PLA2G5: variants seen among roughly 807,000 people sequenced by gnomAD.
The protein encoded by PLA2G5 is Ca2+-dependent phospholipase A2.
In PLA2G5, 12 loss-of-function variants were observed where a neutral mutation model predicts 15.9. The observed-to-expected ratio is 0.76, with a 90% confidence interval of 0.48 to 1.23. PLA2G5 has a LOEUF of 1.23. Ranked by LOEUF, PLA2G5 falls within the 50% of genes most tolerant of loss-of-function variation. The probability of loss-of-function intolerance (pLI) is 0.00; values close to 1 mark genes in which losing one functional copy is unlikely to be tolerated. For synonymous variants in PLA2G5, 71 were observed against 71.4 expected (o/e 0.99, Z 0.03); for missense variants, 169 against 177.1 (o/e 0.95, Z 0.26).
chr1:20,078,333 A>G (rs893007799), intron 1 of PLA2G5, among the ~76,000 whole-genome samples: 1 of 151,948 alleles, frequency 6.6e-6, no homozygotes, highest in Non-Finnish European at 1.5e-5. Context: ...AGAAAAAAAG[A>G]AGTAGAATTG....
intron 3 of PLA2G5, 57 bp from the exon 4 acceptor site, chr1:20,089,732 G>T: frequency 1.4e-6 from 2 of 1,410,888 alleles, no homozygotes; most frequent in South Asian, 2.3e-5. Flanking sequence ...CTCCTATTAG[G>T]GATGGGGTCA....
At chr1:20,056,695 G>T (rs757066894) in intron 1 of PLA2G5, among the ~76,000 whole-genome samples, 1 of 152,066 alleles carries the variant, frequency 6.6e-6, no homozygotes, top group Admixed American at 6.6e-5. Context: ...TAATATCTTT[G>T]TCTAGTTTTG....
chr1:20,055,101 AC>A (rs1482263645), intron 1 of PLA2G5, among the ~76,000 whole-genome samples: 3 of 152,198 alleles, frequency 2.0e-5, no homozygotes, highest in Non-Finnish European at 2.9e-5. Flanking sequence ...TAATCTAGGT[AC>A]TATGTGGGAA....
chr1:20,080,832 G>A (rs1393471470), intron 1 of PLA2G5, among the ~76,000 whole-genome samples: 4 of 151,820 alleles, frequency 2.6e-5, no homozygotes, highest in Non-Finnish European at 5.9e-5. Context: ...GGGCTGCTTT[G>A]CCTGAGGGAG....
At chr1:20,061,345 G>A (rs921299501) in intron 2 of PLA2G5, among the ~76,000 whole-genome samples, 1 of 152,070 alleles carries the variant, frequency 6.6e-6, no homozygotes, top group Non-Finnish European at 1.5e-5. Context: ...AGCGCTTTGG[G>A]AGGCTGAGGC....
At chr1:20,050,315 T>C (rs539758655) in intron 1 of PLA2G5, among the ~76,000 whole-genome samples, 1 of 152,244 alleles carries the variant, frequency 6.6e-6, no homozygotes, top group South Asian at 2.1e-4. Context: ...CCAATCAAAA[T>C]AAACTGCATT....
At chr1:20,060,985 G>A (rs1003783496) in intron 2 of PLA2G5, among the ~76,000 whole-genome samples, 2 of 152,144 alleles carry the variant, frequency 1.3e-5, no homozygotes, top group African/African-American at 2.4e-5. Context: ...CCAAAGTGCC[G>A]GGATTACAGG....
chr1:20,050,089 T>C (rs1173614841), intron 1 of PLA2G5, among the ~76,000 whole-genome samples: 1 of 152,244 alleles, frequency 6.6e-6, no homozygotes, highest in East Asian at 1.9e-4. Context: ...AATTCCTATG[T>C]ATTATTATTA....
At chr1:20,029,246 C>CAGT (rs1426147687) in intron 1 of PLA2G5, among the ~76,000 whole-genome samples, 1 of 152,182 alleles carries the variant, frequency 6.6e-6, no homozygotes, top group East Asian at 1.9e-4. Context: ...ACTGCCCCCA[C>CAGT]CAAACTCCAT....
At chr1:20,069,480 C>T (rs1369498788), upstream of PLA2G5, among the ~76,000 whole-genome samples, 1 of 152,080 alleles carries the variant, frequency 6.6e-6, no homozygotes, top group Non-Finnish European at 1.5e-5. Context: ...TGAGACCAGA[C>T]TGGGCAATAT....
chr1:20,034,049 A>T (rs1390350180), intron 1 of PLA2G5, among the ~76,000 whole-genome samples: 9 of 152,100 alleles, frequency 5.9e-5, no homozygotes, highest in African/African-American at 2.2e-4. Context: ...AAGGTAAGTG[A>T]CCTGGGTTTG....
At chr1:20,068,894 G>A, upstream of PLA2G5, 2 of 1,277,604 alleles carry the variant, frequency 1.6e-6, no homozygotes, top group South Asian at 2.5e-5. Context: ...GAAGCCTGAG[G>A]GAACACACTC....
intron 3 of PLA2G5, among the ~76,000 whole-genome samples, chr1:20,087,867 A>G (rs1412072672): frequency 2.0e-5 from 3 of 152,212 alleles, no homozygotes; most frequent in Non-Finnish European, 4.4e-5. Flanking sequence ...TGACTGAAAG[A>G]GCCCCCAGTG....
rs576475579 is a variant in PLA2G5 at position 20,080,856 on chromosome 1, G to A, written c.-10-3965G>A. On this transcript the variant is annotated intron_variant, in intron 1 of 4. Transcript: ENST00000375108. Reference sequence around the variant, plus strand: ...TGCCTGAGGGAGGTGCAGAGAGCAGGGCCGAGAGAGGGGCTATGAGAGGAG... The same window carrying A: ...TGCCTGAGGGAGGTGCAGAGAGCAGAGCCGAGAGAGGGGCTATGAGAGGAG... Among the ~76,000 whole-genome samples the A allele has an allele frequency of 2.6e-4, 39 of 151,954 alleles. 1 individual carries two copies. Among genetic ancestry groups the A allele is most frequent in the African/African-American group, 8.7e-4 (36 of 41,258 alleles).
At chr1:20,078,936 G>C (rs11573234) in intron 1 of PLA2G5, among the ~76,000 whole-genome samples, 2 of 151,590 alleles carry the variant, frequency 1.3e-5, no homozygotes, top group African/African-American at 4.8e-5. Context: ...GTGGGACCCC[G>C]ACTCTATAAA....
chr1:20,081,127 C>T (rs11573245), intron 1 of PLA2G5, among the ~76,000 whole-genome samples: 1,827 of 151,872 alleles, frequency 0.012, 20 homozygotes, highest in South Asian at 0.033. Flanking sequence ...CTGTCCGTCT[C>T]TATTCTCTCC....
intron 1 of PLA2G5, among the ~76,000 whole-genome samples, chr1:20,077,433 G>A (rs541372509): frequency 4.0e-4 from 61 of 152,320 alleles, no homozygotes; most frequent in Non-Finnish European, 2.8e-4. Flanking sequence ...GGGTGAGAAT[G>A]GAGCTGGAGC....
rs776813378 is a variant in PLA2G5, at chr1:20,070,275, C to T, written c.-201C>T. ...CCACCTCCGGGTTTGTCCTCATCAT[C>T]GGTCACTCCCATTCACAGCTTTAAG... On this transcript the variant is annotated 5_prime_UTR_variant, in exon 1 of 5. Transcript: ENST00000375108. The T allele has an allele frequency of 1.1e-5, 11 of 985,410 alleles. No individual in the cohort carries two copies. Among genetic ancestry groups the T allele is most frequent in the Non-Finnish European group, 1.3e-5 (11 of 829,886 alleles). The allele number at this position is 985,410 out of a possible 1,614,324, so 61.0% of individuals were successfully genotyped here.
At position 20,090,784 on chromosome 1, in the gene PLA2G5, C is replaced by T. The variant is rs780701395; in HGVS notation, c.*92C>T. ...CTCTGCCTGGTTCCTGAGAGAGGCT[C>T]CTAAGTCACAGACCTCAGTCTTTCT... is the stretch of plus-strand genomic sequence containing the variant. On this transcript the variant is annotated 3_prime_UTR_variant, in exon 5 of 5. Coordinates refer to ENST00000375108, the MANE Select transcript of PLA2G5 (RefSeq NM_000929.3). 7.4e-6 allele frequency: 10 copies of T among 1,359,004 alleles called. No individual in the cohort carries two copies. The highest frequency in any genetic ancestry group is 2.9e-5 in the African/African-American group (2 of 69,886). The allele number at this position is 1,359,004 out of a possible 1,614,324, so 84.2% of individuals were successfully genotyped here. A position where few individuals can be genotyped will look rare whatever the true frequency, so the allele number is the denominator to read the frequency against.
Sources: gnomAD v4.1 joint callset for allele counts (sites outside exome capture counted in the v4.1 genomes callset) on GRCh38, gnomAD v4.1.1 for gene constraint, MANE v1.5 for transcripts, NCBI Gene and HGNC (gene_info 2026-07-23, HGNC 2026-07-21) for gene names.